PLXNA4: variants seen among roughly 807,000 people sequenced by gnomAD.
PLXNA4 encodes the protein plexin A4.
Under a neutral mutation model 191.8 loss-of-function variants are expected in PLXNA4, and 44 were observed. That is an observed-to-expected ratio of 0.23 (90% confidence interval 0.18 to 0.29). The LOEUF is 0.29. Among genes scored for constraint, PLXNA4 ranks in the 10% least tolerant of loss-of-function variants. The probability of loss-of-function intolerance (pLI) is 1.00; values close to 1 mark genes in which losing one functional copy is unlikely to be tolerated. For missense variants in PLXNA4, 1,800 were observed against 2,488.8 expected (o/e 0.72, Z 5.89); for synonymous variants, 1,082 against 1,009.5 (o/e 1.07, Z -1.36).
In PLXNA4 at chr7:132,516,355, G is replaced by T. The variant is rs1000246606; in HGVS notation, c.-86-7576C>A. On this transcript the variant is annotated intron_variant, in intron 1 of 31. Transcript: ENST00000321063. ...ACGTCTTTCGTATATGATTTACATGGAGACCAACCGGTCCACCAGCTGGAA... is the reference window on the plus strand; with the variant it reads ...ACGTCTTTCGTATATGATTTACATGTAGACCAACCGGTCCACCAGCTGGAA... Among the ~76,000 whole-genome samples the T allele has an allele frequency of 4.6e-5, 7 of 152,086 alleles. No homozygotes were observed. The South Asian group carries it at 1.2e-3, about 27-fold the overall frequency.
intron 1 of PLXNA4, among the ~76,000 whole-genome samples, chr7:132,556,756 C>T (rs7798939): frequency 1.3e-5 from 2 of 152,138 alleles, no homozygotes; most frequent in South Asian, 2.1e-4. Flanking sequence ...TACTTTTATC[C>T]GTAAGTTGAA....
At chr7:132,557,541 C>A (rs199858865) in intron 1 of PLXNA4, among the ~76,000 whole-genome samples, 1 of 114,846 alleles carries the variant, frequency 8.7e-6, no homozygotes, top group Admixed American at 9.0e-5. Flanking sequence ...TTTAATTTAT[C>A]TTTTTTTTAA....
chr7:132,327,303 G>A (rs1802412491), intron 3 of PLXNA4, among the ~76,000 whole-genome samples: 1 of 152,130 alleles, frequency 6.6e-6, no homozygotes, highest in African/African-American at 2.4e-5. Context: ...ACATTTCCAG[G>A]GGTAGGTTGC....
intron 3 of PLXNA4, among the ~76,000 whole-genome samples, chr7:132,368,435 GC>G (rs1804283949): frequency 1.3e-5 from 2 of 152,304 alleles, no homozygotes; most frequent in Admixed American, 1.3e-4. Context: ...TCCTGGGCCT[GC>G]CAGGCATCCA....
chr7:132,618,568 C>T (rs533968259), intron 2 of PLXNA4, among the ~76,000 whole-genome samples: 5 of 152,340 alleles, frequency 3.3e-5, no homozygotes, highest in Non-Finnish European at 7.3e-5. Flanking sequence ...TTCTGCCTAA[C>T]TTGGTCTGCC....
chr7:132,574,531 C>G (rs968312900), intron 1 of PLXNA4, among the ~76,000 whole-genome samples: 1 of 152,242 alleles, frequency 6.6e-6, no homozygotes, highest in African/African-American at 2.4e-5. Context: ...TTTAGCCAGA[C>G]TCTGAGAACG....
chr7:132,399,547 G>T (rs1793901985), intron 3 of PLXNA4, among the ~76,000 whole-genome samples: 1 of 152,194 alleles, frequency 6.6e-6, no homozygotes, highest in African/African-American at 2.4e-5. Flanking sequence ...TCATGGGGGA[G>T]GCGGGACCAC....
intron 3 of PLXNA4, among the ~76,000 whole-genome samples, chr7:132,342,120 A>C (rs1025191023): frequency 6.6e-6 from 1 of 151,684 alleles, no homozygotes; most frequent in Non-Finnish European, 1.5e-5. Flanking sequence ...GAGACCACCT[A>C]AGCCAGCTCT....
intron 1 of PLXNA4, among the ~76,000 whole-genome samples, chr7:132,563,716 CTCCTCCTCT>C (rs1801514916): frequency 8.9e-6 from 1 of 112,790 alleles, no homozygotes. Context: ...CCTCCTTCTC[CTCCTCCTCT>C]TCCTCTTCCT....
chr7:132,548,295 G>A (rs1326609086), intron 1 of PLXNA4, among the ~76,000 whole-genome samples: 1 of 152,206 alleles, frequency 6.6e-6, no homozygotes, highest in Non-Finnish European at 1.5e-5. Context: ...CTAATTGTGA[G>A]ATGACTGAGA....
At chr7:132,402,075 G>A (rs1253521192) in intron 3 of PLXNA4, among the ~76,000 whole-genome samples, 1 of 152,138 alleles carries the variant, frequency 6.6e-6, no homozygotes, top group African/African-American at 2.4e-5. Flanking sequence ...AATGACCCGG[G>A]AAAGGGTAAA....
At chr7:132,612,601 T>A (rs1200930227) in intron 2 of PLXNA4, among the ~76,000 whole-genome samples, 1 of 148,260 alleles carries the variant, frequency 6.7e-6, no homozygotes, top group East Asian at 2.0e-4. Flanking sequence ...GAGGCAGAGG[T>A]TGCAGTGAGA....
chr7:132,463,301 T>C (rs1585171741), intron 3 of PLXNA4, among the ~76,000 whole-genome samples: 2 of 151,668 alleles, frequency 1.3e-5, no homozygotes, highest in Admixed American at 1.3e-4. Context: ...GATCAGTCAG[T>C]GGATGCTGCT....
intron 28 of PLXNA4, among the ~76,000 whole-genome samples, chr7:132,146,128 C>T (rs766154606): frequency 4.7e-5 from 7 of 147,544 alleles, no homozygotes; most frequent in South Asian, 2.2e-4. Context: ...CCTGGGAAGT[C>T]GTGATGGAGC....
At chr7:132,477,685 G>A (rs539522461) in intron 3 of PLXNA4, among the ~76,000 whole-genome samples, 2 of 152,158 alleles carry the variant, frequency 1.3e-5, no homozygotes, top group East Asian at 1.9e-4. Context: ...TGTTACCTTC[G>A]GGCAGTACTG....
At chr7:132,278,877 G>T (rs1300642085) in intron 4 of PLXNA4, among the ~76,000 whole-genome samples, 1 of 152,174 alleles carries the variant, frequency 6.6e-6, no homozygotes, top group Non-Finnish European at 1.5e-5. Context: ...CAGTTCAGGG[G>T]ATGTGTTTAG....
rs60359571 is a variant in PLXNA4, at chr7:132,327,169, C to CA, written c.1372-28948dup. Among the ~76,000 whole-genome samples the CA allele has an allele frequency of 5.2e-3, 652 of 124,488 alleles. 10 individuals carry two copies. Among genetic ancestry groups the CA allele is most frequent in the African/African-American group, 9.3e-3 (324 of 34,900 alleles). 81.7% of individuals were successfully genotyped at this position (124,488 alleles called of 152,430 possible). A position where few individuals can be genotyped will look rare whatever the true frequency, so the allele number is the denominator to read the frequency against. On this transcript the variant is annotated intron_variant, in intron 3 of 31. Transcript: ENST00000321063. ...AAAGGAAAGAGGGAGAAAAGGAAGG[C>CA]AAAAAAAAAAGAAAAAAGAAAGGGA...
intron 10 of PLXNA4, among the ~76,000 whole-genome samples, chr7:132,205,588 C>T (rs1797590401): frequency 6.6e-6 from 1 of 152,112 alleles, no homozygotes; most frequent in African/African-American, 2.4e-5. Flanking sequence ...TCTTCCCATC[C>T]TTCCCATCTC....
intron 3 of PLXNA4, among the ~76,000 whole-genome samples, chr7:132,324,209 CA>C (rs1406924248): frequency 6.6e-6 from 1 of 152,056 alleles, no homozygotes; most frequent in African/African-American, 2.4e-5. Context: ...AGAAAGCAGA[CA>C]GGAGTGAAGG....
Sources: allele counts gnomAD v4.1 joint callset (sites outside exome capture counted in the v4.1 genomes callset), GRCh38; gene constraint gnomAD v4.1.1; transcripts MANE v1.5; gene names NCBI Gene and HGNC (gene_info 2026-07-23, HGNC 2026-07-21).